Variants in SPTY2D1 observed in about 807,000 individuals in gnomAD.
SPTY2D1 encodes the protein SPT2 chromatin protein domain containing 1, also known as protein SPT2 homolog.
SPTY2D1 carries 21 observed loss-of-function variants against 64.0 expected under a neutral mutation model. The ratio of observed to expected loss-of-function variants is 0.33; its 90% CI spans 0.23 to 0.47. The LOEUF is 0.47. Among genes scored for constraint, SPTY2D1 ranks in the 20% least tolerant of loss-of-function variants. The pLI, the probability that SPTY2D1 is intolerant of heterozygous loss-of-function variation, is 1.00. For missense variants in SPTY2D1, 724 were observed against 837.2 expected, an observed-to-expected ratio of 0.86 and a Z score of 1.67; for synonymous variants, 287 against 286.8, an observed-to-expected ratio of 1.00 and a Z score of -0.01.
At position 18,606,583 on chromosome 11, in the gene SPTY2D1, C is replaced by G. The variant is rs1485478969; in HGVS notation, c.*3278G>C. 6.7e-6 allele frequency: 2 copies of G among 299,410 alleles called. No individual in the cohort carries two copies. The highest frequency in any genetic ancestry group is 6.4e-6 in the Non-Finnish European group (1 of 157,110). 18.5% of individuals were successfully genotyped at this position (299,410 alleles called of 1,614,324 possible). On this transcript the variant is annotated 3_prime_UTR_variant, in exon 6 of 6. Transcript: ENST00000336349. ...AAAAGACAGGATGGATTTAATTACT[C>G]CAAAGAAATCTCTATCTCACTCTTA... is the stretch of plus-strand genomic sequence containing the variant.
chr11:18,626,493 G>C (rs1385082194), intron 1 of SPTY2D1, among the ~76,000 whole-genome samples: 1 of 151,794 alleles, frequency 6.6e-6, no homozygotes, highest in Non-Finnish European at 1.5e-5. Flanking sequence ...ATGGGTTCAA[G>C]CTGTGTAGGT....
In SPTY2D1 at chr11:18,606,883, T is replaced by C. The variant is rs2134105349; in HGVS notation, c.*2978A>G. On this transcript the variant is annotated 3_prime_UTR_variant, in exon 6 of 6. Coordinates refer to ENST00000336349, the MANE Select transcript of SPTY2D1 (RefSeq NM_194285.3). ...TTCCCACATTCTTTTTTTTTTGACA[T>C]GGAGTCTCGCTCTGTCACCCAGCCT... The C allele has an allele frequency of 2.8e-6, 1 of 354,476 alleles. No homozygotes were observed. The highest frequency in any genetic ancestry group is 2.1e-5 in the South Asian group (1 of 47,018). 22.0% of individuals were successfully genotyped at this position (354,476 alleles called of 1,614,324 possible).
In SPTY2D1 at chr11:18,606,615, C is replaced by G; in HGVS notation, c.*3246G>C. 2.8e-6 allele frequency: 1 copy of G among 355,140 alleles called. No individual in the cohort carries two copies. Among genetic ancestry groups the G allele is most frequent in the Middle Eastern group, 3.7e-4 (1 of 2,722 alleles). 22.0% of individuals were successfully genotyped at this position (355,140 alleles called of 1,614,324 possible). On this transcript the variant is annotated 3_prime_UTR_variant, in exon 6 of 6. Coordinates refer to ENST00000336349, the MANE Select transcript of SPTY2D1 (RefSeq NM_194285.3). ...AATCTCTATCTCACTCTTAATCATA[C>G]ACTAAACGTCTGAATATTTAATCAC...
At position 18,614,557 on chromosome 11, in the gene SPTY2D1, T is replaced by C. The variant is rs369993906; in HGVS notation, c.1711+6A>G. On this transcript the variant is annotated splice_donor_region_variant and intron_variant, in intron 3 of 5. Transcript: ENST00000336349. ...ATATACTCTTTCGGGTGAGGGGAAA[T>C]TTTACCTTGGGCAGCTCTGTAGCCA... The C allele has an allele frequency of 3.6e-5, 57 of 1,592,424 alleles. No individual in the cohort carries two copies. In the African/African-American group the frequency reaches 6.9e-4, roughly 19 times the overall value.
chr11:18,626,433 A>C (rs114017705), intron 1 of SPTY2D1, among the ~76,000 whole-genome samples: 4,687 of 152,260 alleles, frequency 0.031, 85 homozygotes, highest in Middle Eastern at 0.058. Context: ...ACAAACAAAA[A>C]AAAAAAACAG....
At chr11:18,618,991 A>G (rs918732487) in intron 1 of SPTY2D1, among the ~76,000 whole-genome samples, 3 of 152,234 alleles carry the variant, frequency 2.0e-5, no homozygotes, top group African/African-American at 7.2e-5. Context: ...TTTAAAGTCC[A>G]TATCTTTGTA....
At chr11:18,620,556 T>A (rs117145179) in intron 1 of SPTY2D1, among the ~76,000 whole-genome samples, 181 of 152,164 alleles carry the variant, frequency 1.2e-3, no homozygotes, top group Non-Finnish European at 2.1e-3. Context: ...ATGACTGACT[T>A]GAACAACTAG....
intron 1 of SPTY2D1, among the ~76,000 whole-genome samples, chr11:18,627,607 G>A (rs1472849462): frequency 1.3e-5 from 2 of 152,150 alleles, no homozygotes; most frequent in African/African-American, 2.4e-5. Flanking sequence ...AGCCAGGCAC[G>A]GTGGCTCACG....
rs758105241 is a variant in SPTY2D1 at position 18,634,290 on chromosome 11, A to C, written c.-33T>G. 1.2e-6 allele frequency: 2 copies of C among 1,612,498 alleles called. No homozygotes were observed. Among genetic ancestry groups the C allele is most frequent in the African/African-American group, 2.7e-5 (2 of 74,896 alleles). ...CGAGGCGGGAGAGACTGGGCCAGGC[A>C]CTCGGAAAGGACTGACAGCGCACCT... On this transcript the variant is annotated 5_prime_UTR_variant, in exon 1 of 6. Transcript: ENST00000336349.
chr11:18,627,464 C>T (rs749177929), intron 1 of SPTY2D1, among the ~76,000 whole-genome samples: 168 of 151,514 alleles, frequency 1.1e-3, no homozygotes, highest in Non-Finnish European at 1.5e-3. Flanking sequence ...AACCCTTCAC[C>T]GGGCGTGGTG....
intron 1 of SPTY2D1, among the ~76,000 whole-genome samples, chr11:18,624,290 G>A (rs954169159): frequency 7.3e-5 from 11 of 151,392 alleles, no homozygotes; most frequent in Non-Finnish European, 1.6e-4. Context: ...ACTTCCCCTC[G>A]CATCACATGG....
intron 1 of SPTY2D1, among the ~76,000 whole-genome samples, chr11:18,625,545 AC>A (rs35548292): frequency 0.076 from 11,532 of 151,708 alleles, 600 homozygotes; most frequent in East Asian, 0.23. Flanking sequence ...TCTCACTACA[AC>A]ACATCTCATT....
intron 1 of SPTY2D1, among the ~76,000 whole-genome samples, chr11:18,633,455 C>T (rs1408137109): frequency 6.6e-6 from 1 of 152,208 alleles, no homozygotes; most frequent in African/African-American, 2.4e-5. Context: ...AGGCGCTCTC[C>T]ACCACTTTAC....
In SPTY2D1 at chr11:18,626,043, C is replaced by T. The variant is rs576194452; in HGVS notation, c.60+8155G>A. Reference sequence around the variant, plus strand: ...CCACGTTGGCCAGGTTGGTCTCGAACGCCTGACCTCATGATCCACCCACCT... The same window carrying T: ...CCACGTTGGCCAGGTTGGTCTCGAATGCCTGACCTCATGATCCACCCACCT... On this transcript the variant is annotated intron_variant, in intron 1 of 5. Transcript: ENST00000336349. Among the ~76,000 whole-genome samples the T allele has an allele frequency of 9.9e-5, 15 of 152,242 alleles. 1 individual carries two copies. In the South Asian group the frequency reaches 2.5e-3, roughly 25 times the overall value.
chr11:18,626,076 C>G (rs1423958014), intron 1 of SPTY2D1, among the ~76,000 whole-genome samples: 1 of 152,126 alleles, frequency 6.6e-6, no homozygotes, highest in African/African-American at 2.4e-5. Flanking sequence ...CCTCAGCTTC[C>G]CAAAGAGCTG....
At chr11:18,624,694 G>GT (rs1854468170) in intron 1 of SPTY2D1, among the ~76,000 whole-genome samples, 1 of 152,210 alleles carries the variant, frequency 6.6e-6, no homozygotes, top group Admixed American at 6.5e-5. Context: ...TGTATGTTAT[G>GT]TTGGAATCGA....
intron 1 of SPTY2D1, among the ~76,000 whole-genome samples, chr11:18,633,751 A>C (rs1462577609): frequency 6.6e-6 from 1 of 152,170 alleles, no homozygotes; most frequent in Non-Finnish European, 1.5e-5. Context: ...TAAACGTTTG[A>C]CTTGAAGATC....
intron 1 of SPTY2D1, among the ~76,000 whole-genome samples, chr11:18,628,642 A>C (rs1463829283): frequency 6.6e-6 from 1 of 152,212 alleles, no homozygotes; most frequent in Non-Finnish European, 1.5e-5. Context: ...TGCTTTGTGG[A>C]GTCTGCGTCT....
chr11:18,625,288 A>C (rs1034498127), intron 1 of SPTY2D1, among the ~76,000 whole-genome samples: 1 of 152,220 alleles, frequency 6.6e-6, no homozygotes, highest in African/African-American at 2.4e-5. Context: ...GATAAAAATT[A>C]ATAACCTGCC....
Sources: allele counts gnomAD v4.1 joint callset (sites outside exome capture counted in the v4.1 genomes callset), GRCh38; gene constraint gnomAD v4.1.1; transcripts MANE v1.5; gene names NCBI Gene and HGNC (gene_info 2026-07-23, HGNC 2026-07-21).